The following DAAM1 variants were observed in gnomAD, a reference collection of about 807,000 sequenced individuals.
DAAM1 encodes the protein dishevelled associated activator of morphogenesis 1, also known as disheveled-associated activator of morphogenesis 1.
In DAAM1, 52 loss-of-function variants were observed where a neutral mutation model predicts 130.0. The observed-to-expected ratio is 0.40, with a 90% CI of 0.32 to 0.50. The LOEUF is 0.50. Among genes scored for constraint, DAAM1 ranks in the 20% least tolerant of loss-of-function variants. The pLI is 0.61. For missense variants in DAAM1, 1,134 were observed against 1,303.8 expected (o/e 0.87, Z 2.01); for synonymous variants, 452 against 444.5 (o/e 1.02, Z -0.21).
intron 1 of DAAM1, among the ~76,000 whole-genome samples, chr14:59,196,765 A>C (rs1034678404): frequency 6.6e-5 from 10 of 151,972 alleles, no homozygotes; most frequent in Admixed American, 1.3e-4. Flanking sequence ...AAAACAAAAC[A>C]AAAAAACAAA....
rs1443754600 is a variant in DAAM1, at chr14:59,223,950, G to A, written c.-38+35182G>A. 2.6e-5 allele frequency among the ~76,000 whole-genome samples: 4 copies of A among 152,198 alleles called. No individual in the cohort carries two copies. In the East Asian group the frequency reaches 5.8e-4, roughly 22 times the overall value. On this transcript the variant is annotated intron_variant, in intron 1 of 24. Coordinates refer to ENST00000360909, the MANE Select transcript of DAAM1 (RefSeq NM_001270520.2). ...GCTTCTCACTCACTAGATTCAGTCA[G>A]CATAATGTCATCAGTGTAATGGTCC...
intron 3 of DAAM1, among the ~76,000 whole-genome samples, chr14:59,307,378 A>G (rs1884415218): frequency 6.6e-6 from 1 of 152,220 alleles, no homozygotes; most frequent in Non-Finnish European, 1.5e-5. Context: ...CCTTTGAACC[A>G]GTTGTAACAT....
chr14:59,310,656 CATTT>C (rs1176089045), intron 3 of DAAM1, among the ~76,000 whole-genome samples: 1 of 152,144 alleles, frequency 6.6e-6, no homozygotes, highest in Non-Finnish European at 1.5e-5. Flanking sequence ...CTGCTGTTGA[CATTT>C]GTTTGGTTAA....
intron 17 of DAAM1, among the ~76,000 whole-genome samples, chr14:59,349,595 C>T (rs190192969): frequency 1.4e-3 from 211 of 152,364 alleles, no homozygotes; most frequent in African/African-American, 5.0e-3. Context: ...CATTTCCTTA[C>T]TCCGATTTAG....
chr14:59,274,018 T>C (rs962053614), intron 2 of DAAM1, among the ~76,000 whole-genome samples: 3 of 152,196 alleles, frequency 2.0e-5, no homozygotes, highest in South Asian at 2.1e-4. Flanking sequence ...TTCCCAGAAT[T>C]CCTCTGGAAT....
At chr14:59,303,062 C>G (rs1321860779) in intron 3 of DAAM1, among the ~76,000 whole-genome samples, 2 of 152,200 alleles carry the variant, frequency 1.3e-5, no homozygotes, top group Non-Finnish European at 2.9e-5. Flanking sequence ...TTTGAGCCCT[C>G]CGTGGTTGTC....
chr14:59,320,630 T>C (rs777147089), intron 5 of DAAM1, 46 bp downstream of exon 5: 12 of 1,424,006 alleles, frequency 8.4e-6, no homozygotes, highest in East Asian at 2.4e-5. Flanking sequence ...CTCTCCTTCC[T>C]TCCTTTTTTT....
At chr14:59,222,379 T>C (rs1279839006) in intron 1 of DAAM1, among the ~76,000 whole-genome samples, 1 of 152,228 alleles carries the variant, frequency 6.6e-6, no homozygotes, top group Admixed American at 6.5e-5. Flanking sequence ...GATAAAACAC[T>C]GTGCCTTCCT....
At chr14:59,347,029 TAAA>T (rs941741860) in intron 16 of DAAM1, among the ~76,000 whole-genome samples, 1 of 151,888 alleles carries the variant, frequency 6.6e-6, no homozygotes, top group Non-Finnish European at 1.5e-5. Context: ...CTCCATCTAT[TAAA>T]AAAAAGCCTT....
chr14:59,262,652 TA>T (rs1437448968), intron 1 of DAAM1, among the ~76,000 whole-genome samples: 1 of 116,476 alleles, frequency 8.6e-6, no homozygotes, highest in East Asian at 2.4e-4. Flanking sequence ...AATATTCTAT[TA>T]GTGTGTGTGT....
intron 1 of DAAM1, among the ~76,000 whole-genome samples, chr14:59,222,833 G>C (rs1231712761): frequency 1.3e-5 from 2 of 152,302 alleles, no homozygotes; most frequent in Non-Finnish European, 2.9e-5. Context: ...TGGACATCCA[G>C]CCATGCCATT....
chr14:59,192,294 T>C lies in DAAM1; in HGVS notation c.-38+3526T>C, dbSNP rs536548825. ...AAGCAAAAGTTCTGATTGAAAGTGT[T>C]TCATTTTGTAAATATTTGGGAGATG... On this transcript the variant is annotated intron_variant, in intron 1 of 24. Coordinates refer to ENST00000360909, the MANE Select transcript of DAAM1 (RefSeq NM_001270520.2). Among the ~76,000 whole-genome samples, 3 of 152,220 alleles carry C rather than the reference T, an allele frequency of 2.0e-5. No homozygotes were observed. In the South Asian group the frequency reaches 6.2e-4, roughly 32 times the overall value.
chr14:59,290,959 T>C (rs369481162), intron 2 of DAAM1, among the ~76,000 whole-genome samples: 2 of 151,976 alleles, frequency 1.3e-5, no homozygotes, highest in East Asian at 3.9e-4. Flanking sequence ...TGTCTGTGCT[T>C]GGTCCACTCT....
At position 59,333,220 on chromosome 14, in the gene DAAM1, T is replaced by C. The variant is rs141792987; in HGVS notation, c.1968+1300T>C. Among the ~76,000 whole-genome samples, 197 of 152,208 alleles carry C rather than the reference T, an allele frequency of 1.3e-3. 1 individual carries two copies. The highest frequency in any genetic ancestry group is 4.6e-3 in the African/African-American group (189 of 41,526). On this transcript the variant is annotated intron_variant, in intron 15 of 24. Coordinates refer to ENST00000360909, the MANE Select transcript of DAAM1 (RefSeq NM_001270520.2). Reference sequence around the variant, plus strand: ...TGCCTTTTATGCTACTTTAATAAAATACAAAAATAGAGGCGGTTGCCTGCC... The same window carrying C: ...TGCCTTTTATGCTACTTTAATAAAACACAAAAATAGAGGCGGTTGCCTGCC...
rs1885859608 is a variant in DAAM1, at chr14:59,341,795, T to A, written c.2075+1615T>A. ...AACTTGGGGAAAGTTGTGGAGTTTTTTTTACATCCTAGAATTTCTCTCTAT... is the reference window on the plus strand; with the variant it reads ...AACTTGGGGAAAGTTGTGGAGTTTTATTTACATCCTAGAATTTCTCTCTAT... On this transcript the variant is annotated intron_variant, in intron 16 of 24. Coordinates refer to ENST00000360909, the MANE Select transcript of DAAM1 (RefSeq NM_001270520.2). Among the ~76,000 whole-genome samples, 4 of 152,214 alleles carry A rather than the reference T, an allele frequency of 2.6e-5. No homozygotes were observed. The South Asian group carries it at 8.3e-4, about 31-fold the overall frequency.
chr14:59,263,690 G>T (rs1167136228), intron 2 of DAAM1, 30 bp downstream of exon 2: 1 of 1,603,448 alleles, frequency 6.2e-7, no homozygotes, highest in South Asian at 1.1e-5. Flanking sequence ...CCTGGCATTG[G>T]TGGGGAGCCA....
At chr14:59,286,453 T>G (rs555354199) in intron 2 of DAAM1, among the ~76,000 whole-genome samples, 1 of 151,858 alleles carries the variant, frequency 6.6e-6, no homozygotes, top group Non-Finnish European at 1.5e-5. Flanking sequence ...GAAATTGAGA[T>G]GTGAAAATTC....
At chr14:59,302,659 T>G (rs1884217487) in intron 3 of DAAM1, among the ~76,000 whole-genome samples, 1 of 152,152 alleles carries the variant, frequency 6.6e-6, no homozygotes, top group Non-Finnish European at 1.5e-5. Flanking sequence ...TTATTTTTTA[T>G]TTTTTTATTT....
chr14:59,353,998 T>A, intron 19 of DAAM1, 34 bp downstream of exon 19: 1 of 1,581,054 alleles, frequency 6.3e-7, no homozygotes, highest in Non-Finnish European at 8.7e-7. Flanking sequence ...GAAATGATGT[T>A]CATCATTACA....
Sources: gnomAD v4.1 joint callset for allele counts (sites outside exome capture counted in the v4.1 genomes callset) on GRCh38, gnomAD v4.1.1 for gene constraint, MANE v1.5 for transcripts, NCBI Gene and HGNC (gene_info 2026-07-23, HGNC 2026-07-21) for gene names.